The following HMGCLL1 variants were observed in gnomAD, a reference collection of about 807,000 sequenced individuals.
The protein encoded by HMGCLL1 is 3-hydroxymethyl-3-methylglutaryl-CoA lyase, cytoplasmic.
A neutral mutation model predicts 39.1 loss-of-function variants in HMGCLL1; 36 were observed. The ratio of observed to expected loss-of-function variants is 0.92; its 90% CI spans 0.71 to 1.22. The LOEUF (loss-of-function observed/expected upper bound fraction) is 1.22, where lower values mean the gene tolerates loss of function less well. HMGCLL1 is among the 50% of genes most tolerant of loss of function. The pLI is 0.00. For missense variants in HMGCLL1, 451 were observed against 416.5 expected (o/e 1.08, Z -0.72); for synonymous variants, 149 against 144.0 (o/e 1.03, Z -0.25).
the HMGCLL1 span, among the ~76,000 whole-genome samples, chr6:55,613,327 C>T: frequency 1.3e-4 from 20 of 152,062 alleles, no homozygotes; most frequent in Admixed American, 4.6e-4. Context: ...GAAATCGGAG[C>T]GTTTTTACAT....
the HMGCLL1 span, among the ~76,000 whole-genome samples, chr6:55,658,224 C>A: frequency 6.6e-6 from 1 of 151,916 alleles, no homozygotes. Flanking sequence ...ACTTAATCTT[C>A]TCTTTTTGTC....
chr6:55,451,400 A>G (rs915911229), intron 7 of HMGCLL1, among the ~76,000 whole-genome samples: 2 of 151,872 alleles, frequency 1.3e-5, no homozygotes, highest in African/African-American at 2.4e-5. Context: ...AGGCGGGTGG[A>G]TCACCTGAGG....
In HMGCLL1 at chr6:55,458,062, A is replaced by G. The variant is rs77390062; in HGVS notation, c.796-18503T>C. Among the ~76,000 whole-genome samples, 4 of 152,160 alleles carry G rather than the reference A, an allele frequency of 2.6e-5. No individual in the cohort carries two copies. The East Asian group carries it at 7.7e-4, about 29-fold the overall frequency. ...ATACTAAACAATAAATATTCACTAG[A>G]TACCTTTTCTAGAAACTATTCAATA... is the stretch of plus-strand genomic sequence containing the variant. On this transcript the variant is annotated intron_variant, in intron 7 of 8. Transcript: ENST00000274901.
At chr6:55,567,054 T>C (rs1287477552) in intron 1 of HMGCLL1, among the ~76,000 whole-genome samples, 1 of 152,042 alleles carries the variant, frequency 6.6e-6, no homozygotes, top group East Asian at 1.9e-4. Context: ...TATAGCCACA[T>C]CCCTTAAAAA....
At chr6:55,677,678 T>C in the HMGCLL1 span, among the ~76,000 whole-genome samples, 1 of 152,214 alleles carries the variant, frequency 6.6e-6, no homozygotes, top group Non-Finnish European at 1.5e-5. Flanking sequence ...ATCAAATGAC[T>C]ACACAGGGAG....
At chr6:55,515,031 G>C (rs940615611) in intron 4 of HMGCLL1, among the ~76,000 whole-genome samples, 3 of 152,030 alleles carry the variant, frequency 2.0e-5, no homozygotes, top group African/African-American at 7.2e-5. Context: ...AAGGTAGGCA[G>C]ATCACAAGGT....
intron 7 of HMGCLL1, among the ~76,000 whole-genome samples, chr6:55,464,845 G>A (rs1199667235): frequency 2.0e-5 from 3 of 152,088 alleles, no homozygotes; most frequent in African/African-American, 7.2e-5. Flanking sequence ...ACCTGATAAG[G>A]CAAGTTCTCC....
chr6:55,490,387 A>C (rs1268208629), intron 7 of HMGCLL1, among the ~76,000 whole-genome samples: 1 of 152,190 alleles, frequency 6.6e-6, no homozygotes, highest in East Asian at 1.9e-4. Context: ...TGTGATTAAA[A>C]AGAAAATCAA....
chr6:55,487,694 C>T (rs1766105532), intron 7 of HMGCLL1, among the ~76,000 whole-genome samples: 2 of 152,128 alleles, frequency 1.3e-5, no homozygotes, highest in African/African-American at 4.8e-5. Context: ...TCCAGTCTAT[C>T]ATTGATCTTT....
the HMGCLL1 span, among the ~76,000 whole-genome samples, chr6:55,668,812 C>A: frequency 6.6e-6 from 1 of 151,654 alleles, no homozygotes; most frequent in Admixed American, 6.6e-5. Context: ...TTCCTGTATT[C>A]GCTCATGACT....
At chr6:55,535,885 C>A (rs1436017118) in intron 3 of HMGCLL1, among the ~76,000 whole-genome samples, 1 of 152,124 alleles carries the variant, frequency 6.6e-6, no homozygotes, top group Non-Finnish European at 1.5e-5. Flanking sequence ...CTTCGTGCAC[C>A]CTCACATACA....
At chr6:55,608,795 G>A in the HMGCLL1 span, among the ~76,000 whole-genome samples, 1 of 152,320 alleles carries the variant, frequency 6.6e-6, no homozygotes, top group Non-Finnish European at 1.5e-5. Context: ...AGCCAAGATG[G>A]CCAACTAGCA....
the HMGCLL1 span, among the ~76,000 whole-genome samples, chr6:55,627,611 G>A: frequency 6.6e-6 from 1 of 151,222 alleles, no homozygotes; most frequent in African/African-American, 2.4e-5. Flanking sequence ...TGAGTCAGTG[G>A]GCTGAGGAAG....
At chr6:55,519,494 CTATT>C (rs1372565419) in intron 3 of HMGCLL1, among the ~76,000 whole-genome samples, 5 of 152,100 alleles carry the variant, frequency 3.3e-5, no homozygotes, top group South Asian at 2.1e-4. Context: ...GTGCTTGATG[CTATT>C]TAGAGTGTGA....
intron 8 of HMGCLL1, among the ~76,000 whole-genome samples, chr6:55,437,168 C>A (rs1502208): frequency 6.6e-6 from 1 of 151,618 alleles, no homozygotes; most frequent in African/African-American, 2.4e-5. Context: ...TTTTATTTAA[C>A]CAGTAGATAT....
At chr6:55,567,306 G>T (rs1449708593) in intron 1 of HMGCLL1, among the ~76,000 whole-genome samples, 1 of 151,962 alleles carries the variant, frequency 6.6e-6, no homozygotes, top group African/African-American at 2.4e-5. Flanking sequence ...CAATTTATAA[G>T]ATTATGGGGT....
chr6:55,577,587 A>T (rs1353279498), intron 1 of HMGCLL1, among the ~76,000 whole-genome samples: 1 of 152,158 alleles, frequency 6.6e-6, no homozygotes, highest in Non-Finnish European at 1.5e-5. Flanking sequence ...CCTGCAACCA[A>T]TCTTCTATCA....
At chr6:55,523,678 A>G (rs1297126154) in intron 3 of HMGCLL1, among the ~76,000 whole-genome samples, 2 of 151,922 alleles carry the variant, frequency 1.3e-5, no homozygotes, top group African/African-American at 4.8e-5. Flanking sequence ...ATAGTACACA[A>G]TTTTACCTCA....
intron 1 of HMGCLL1, among the ~76,000 whole-genome samples, chr6:55,574,367 A>G (rs1285877470): frequency 6.6e-6 from 1 of 151,920 alleles, no homozygotes; most frequent in Admixed American, 6.6e-5. Flanking sequence ...GATAATAAGT[A>G]TATAGAAACA....
Sources: allele counts gnomAD v4.1 joint callset (sites outside exome capture counted in the v4.1 genomes callset), GRCh38; gene constraint gnomAD v4.1.1; transcripts MANE v1.5; gene names NCBI Gene and HGNC (gene_info 2026-07-23, HGNC 2026-07-21).